The following DAB1 variants were observed in gnomAD, a reference collection of about 807,000 sequenced individuals.
DAB1 encodes disabled homolog 1.
In DAB1, 15 loss-of-function variants were observed where a neutral mutation model predicts 64.6. The ratio of observed to expected loss-of-function variants is 0.23; its 90% CI spans 0.16 to 0.36. DAB1 has a LOEUF of 0.36. Ranked by LOEUF, DAB1 falls within the 10% of genes least tolerant of loss-of-function variation. The pLI, the probability that DAB1 is intolerant of heterozygous loss-of-function variation, is 1.00. For synonymous variants in DAB1, 235 were observed against 251.9 expected, an observed-to-expected ratio of 0.93 and a Z score of 0.64; for missense variants, 596 against 706.7, an observed-to-expected ratio of 0.84 and a Z score of 1.78.
intron 4 of DAB1, among the ~76,000 whole-genome samples, chr1:58,333,426 G>GGA (rs1473551521): frequency 2.0e-5 from 3 of 152,178 alleles, no homozygotes; most frequent in Non-Finnish European, 4.4e-5. Flanking sequence ...AATTATAGGT[G>GGA]TCCACTAAAA....
chr1:57,198,348 C>T (rs531677724), intron 2 of DAB1, among the ~76,000 whole-genome samples: 2 of 152,188 alleles, frequency 1.3e-5, no homozygotes, highest in East Asian at 3.9e-4. Flanking sequence ...GAAACATAGT[C>T]CTAGAGCAGG....
chr1:57,282,088 C>T (rs963092206), intron 2 of DAB1, among the ~76,000 whole-genome samples: 3 of 146,882 alleles, frequency 2.0e-5, no homozygotes, highest in African/African-American at 7.6e-5. Flanking sequence ...GAGGCTAAGG[C>T]AGGAGAATCG....
intron 6 of DAB1, among the ~76,000 whole-genome samples, chr1:57,653,451 T>A (rs953781996): frequency 6.6e-6 from 1 of 152,204 alleles, no homozygotes; most frequent in Admixed American, 6.5e-5. Context: ...GTGTTTATAT[T>A]TTAGCCTAAT....
intron 4 of DAB1, among the ~76,000 whole-genome samples, chr1:58,300,596 GAAA>G (rs1557726017): frequency 2.1e-3 from 87 of 41,188 alleles, no homozygotes; most frequent in African/African-American, 7.5e-3. Context: ...AAGAAAGAAA[GAAA>G]GAAAGAAAGA....
chr1:58,387,474 G>A (rs1384351711), intron 3 of DAB1, among the ~76,000 whole-genome samples: 1 of 152,158 alleles, frequency 6.6e-6, no homozygotes, highest in African/African-American at 2.4e-5. Flanking sequence ...AATGGCCCAA[G>A]ACAAAGTTCC....
intron 3 of DAB1, among the ~76,000 whole-genome samples, chr1:58,357,025 CCAA>C (rs1557738742): frequency 1.5e-5 from 1 of 68,346 alleles, no homozygotes. Flanking sequence ...GACCCTGTCT[CCAA>C]AAAAAAAAAA....
At chr1:58,303,095 G>A (rs1221848797) in intron 4 of DAB1, among the ~76,000 whole-genome samples, 1 of 152,130 alleles carries the variant, frequency 6.6e-6, no homozygotes, top group Non-Finnish European at 1.5e-5. Flanking sequence ...GGAAATTGGA[G>A]GCAGGAAGAA....
intron 3 of DAB1, among the ~76,000 whole-genome samples, chr1:58,502,420 T>A (rs867075461): frequency 3.9e-5 from 6 of 152,224 alleles, no homozygotes; most frequent in Admixed American, 2.0e-4. Flanking sequence ...TTGCTTCAAC[T>A]ATCACTTCTT....
chr1:57,343,838 C>T (rs1332113815), intron 1 of DAB1, among the ~76,000 whole-genome samples: 1 of 152,232 alleles, frequency 6.6e-6, no homozygotes, highest in Non-Finnish European at 1.5e-5. Flanking sequence ...CCTTGGCCAG[C>T]CCAGAAAGCG....
chr1:57,659,180 G>C (rs1444446631), intron 6 of DAB1, among the ~76,000 whole-genome samples: 1 of 152,120 alleles, frequency 6.6e-6, no homozygotes, highest in Non-Finnish European at 1.5e-5. Flanking sequence ...GGGCAGCAGG[G>C]CAGAAAGCGG....
At chr1:57,290,257 A>T (rs1371514859) in intron 2 of DAB1, among the ~76,000 whole-genome samples, 1 of 152,178 alleles carries the variant, frequency 6.6e-6, no homozygotes, top group Non-Finnish European at 1.5e-5. Context: ...GGAAAAAAAA[A>T]AAAATGAAGA....
At chr1:57,031,284 G>A (rs1184163025) in intron 9 of DAB1, among the ~76,000 whole-genome samples, 1 of 152,146 alleles carries the variant, frequency 6.6e-6, no homozygotes, top group Non-Finnish European at 1.5e-5. Flanking sequence ...TCAAGAATCT[G>A]AAATAGTATC....
chr1:57,875,931 G>A (rs1644037534), intron 1 of DAB1, among the ~76,000 whole-genome samples: 1 of 152,154 alleles, frequency 6.6e-6, no homozygotes, highest in South Asian at 2.1e-4. Flanking sequence ...TATTAGTGTT[G>A]CATTTTCTGC....
At chr1:57,898,089 C>A (rs1381728047) in intron 5 of DAB1, among the ~76,000 whole-genome samples, 2 of 152,136 alleles carry the variant, frequency 1.3e-5, no homozygotes, top group East Asian at 3.9e-4. Flanking sequence ...CTCTCCCCTG[C>A]AGCTGGTCCC....
In DAB1 at chr1:57,326,330, G is replaced by A. The variant is rs147412013; in HGVS notation, c.-136-35164C>T. On this transcript the variant is annotated intron_variant, in intron 1 of 14. Coordinates refer to ENST00000371236, the MANE Select transcript of DAB1 (RefSeq NM_001365792.1). ...ACATAAATTCTAAAGACAGCAGGAAGCAAAAGAGGGCAAACCATGACTTAA... is the reference window on the plus strand; with the variant it reads ...ACATAAATTCTAAAGACAGCAGGAAACAAAAGAGGGCAAACCATGACTTAA... Among the ~76,000 whole-genome samples, 19 of 152,328 alleles carry A rather than the reference G, an allele frequency of 1.2e-4. No homozygotes were observed. The East Asian group carries it at 3.7e-3, about 29-fold the overall frequency.
intron 6 of DAB1, among the ~76,000 whole-genome samples, chr1:57,777,650 G>A (rs2101838500): frequency 6.6e-6 from 1 of 151,786 alleles, no homozygotes; most frequent in South Asian, 2.1e-4. Flanking sequence ...TAGTACATTT[G>A]TATCCTCTTA....
At chr1:58,458,508 G>T (rs1044069939) in intron 3 of DAB1, among the ~76,000 whole-genome samples, 2 of 152,214 alleles carry the variant, frequency 1.3e-5, no homozygotes, top group African/African-American at 4.8e-5. Flanking sequence ...GTGGTTAAAA[G>T]AATATGTTTT....
At chr1:57,586,493 C>A (rs1161806752) in intron 7 of DAB1, among the ~76,000 whole-genome samples, 21 of 151,720 alleles carry the variant, frequency 1.4e-4, no homozygotes, top group East Asian at 7.7e-4. Flanking sequence ...CTCTCTCTCT[C>A]TCTATTTTTT....
intron 4 of DAB1, among the ~76,000 whole-genome samples, chr1:58,258,870 A>C (rs755600583): frequency 6.6e-6 from 1 of 152,162 alleles, no homozygotes; most frequent in Non-Finnish European, 1.5e-5. Context: ...GTACTGTACT[A>C]ACAGGAATAA....
Sources: allele counts gnomAD v4.1 joint callset (sites outside exome capture counted in the v4.1 genomes callset), GRCh38; gene constraint gnomAD v4.1.1; transcripts MANE v1.5; gene names NCBI Gene and HGNC (gene_info 2026-07-23, HGNC 2026-07-21).